Variants in FLACC1 observed in about 807,000 individuals in gnomAD.
FLACC1 encodes flagellum associated containing coiled-coil domains 1.
Under a neutral mutation model 62.8 loss-of-function variants are expected in FLACC1, and 66 were observed. That is an observed-to-expected ratio of 1.05 (90% CI 0.86 to 1.29). The LOEUF (loss-of-function observed/expected upper bound fraction) is 1.29, where lower values mean the gene tolerates loss of function less well. Ranked by LOEUF, FLACC1 falls within the 50% of genes most tolerant of loss-of-function variation. The pLI is 0.00. For missense variants in FLACC1, 452 were observed against 489.1 expected, an observed-to-expected ratio of 0.92 and a Z score of 0.71; for synonymous variants, 156 against 161.0, an observed-to-expected ratio of 0.97 and a Z score of 0.24.
intron 12 of FLACC1, among the ~76,000 whole-genome samples, chr2:201,298,321 G>A (rs1949908847): frequency 6.6e-6 from 1 of 152,130 alleles, no homozygotes; most frequent in South Asian, 2.1e-4. Flanking sequence ...CAACTTAACT[G>A]CATCCCAGGG....
rs1455495131 is a variant in FLACC1, at chr2:201,288,708, T to C, written c.1216A>G (p.Lys406Glu). 1 of 1,613,978 alleles carries C rather than the reference T, an allele frequency of 6.2e-7. No homozygotes were observed. Among genetic ancestry groups the C allele is most frequent in the African/African-American group, 1.3e-5 (1 of 74,932 alleles). ...TCTTGCACAGTGTCAGAATCATCCTTAGAAACAGTAATAGAGGCCAATCTC... is the reference window on the plus strand; with the variant it reads ...TCTTGCACAGTGTCAGAATCATCCTCAGAAACAGTAATAGAGGCCAATCTC... ...SGRLASITVS[K>E]DDSDTVQDGS... The change falls in exon 15 of 15, where the codon AAG (lysine) becomes GAG (glutamate). Residue 406 changes from lysine to glutamate, a missense_variant. Physicochemically the swap from Lys to Glu is moderately conservative, Grantham distance 56 (BLOSUM62 1). This residue lies in a region of FLACC1 where 301 missense variants were observed against 318.4 expected (regional missense o/e 0.95). Coordinates refer to ENST00000392257, the MANE Select transcript of FLACC1 (RefSeq NM_001127391.3).
upstream of FLACC1, among the ~76,000 whole-genome samples, chr2:201,359,956 G>A (rs1418246631): frequency 6.7e-6 from 1 of 149,936 alleles, no homozygotes; most frequent in African/African-American, 2.4e-5. Flanking sequence ...AAAAAAAGCA[G>A]CAGGATTTGG....
chr2:201,339,493 G>C (rs1421609837), intron 7 of FLACC1, among the ~76,000 whole-genome samples: 1 of 151,826 alleles, frequency 6.6e-6, no homozygotes, highest in Non-Finnish European at 1.5e-5. Flanking sequence ...TGCATTATTA[G>C]ATTGTTTATT....
chr2:201,328,528 C>T (rs562046286), intron 9 of FLACC1, among the ~76,000 whole-genome samples: 37 of 152,256 alleles, frequency 2.4e-4, no homozygotes, highest in Non-Finnish European at 3.8e-4. Flanking sequence ...CAGGTTCAAG[C>T]GATTCTCCCG....
At chr2:201,289,380 C>G in intron 14 of FLACC1, 77 bp downstream of exon 14, 1 of 1,395,214 alleles carries the variant, frequency 7.2e-7, no homozygotes, top group Non-Finnish European at 1.0e-6. Context: ...GGTCTATCTT[C>G]CTAACCCATT....
intron 5 of FLACC1, 120 bp from the exon 6 acceptor site, chr2:201,344,383 T>G: frequency 2.7e-6 from 2 of 740,220 alleles, no homozygotes; most frequent in Non-Finnish European, 4.7e-6. Context: ...GGCCATGTTC[T>G]GCACCTGCTC....
intron 12 of FLACC1, among the ~76,000 whole-genome samples, chr2:201,295,182 CA>C (rs1189581789): frequency 2.0e-5 from 3 of 152,040 alleles, no homozygotes; most frequent in African/African-American, 7.3e-5. Flanking sequence ...CATCTGGAAC[CA>C]AAAAAGAGCC....
intron 7 of FLACC1, among the ~76,000 whole-genome samples, chr2:201,337,720 G>C (rs911135194): frequency 7.2e-5 from 11 of 151,884 alleles, no homozygotes; most frequent in African/African-American, 2.7e-4. Flanking sequence ...ACGGTGTCTC[G>C]CTATGTTGTG....
chr2:201,315,080 C>T (rs571854465), intron 9 of FLACC1, among the ~76,000 whole-genome samples: 8 of 152,142 alleles, frequency 5.3e-5, no homozygotes, highest in African/African-American at 1.9e-4. Context: ...CAAAACAGAA[C>T]CTCTTTAAAG....
intron 9 of FLACC1, among the ~76,000 whole-genome samples, chr2:201,310,721 G>A (rs1208067533): frequency 2.0e-5 from 3 of 152,090 alleles, no homozygotes; most frequent in Non-Finnish European, 2.9e-5. Context: ...ATATATTAAA[G>A]GCCTTAAAAA....
chr2:201,289,703 T>C lies in FLACC1; in HGVS notation c.1025A>G (p.Gln342Arg). The C allele has an allele frequency of 6.2e-7, 1 of 1,613,824 alleles. No individual in the cohort carries two copies. The highest frequency in any genetic ancestry group is 8.5e-7 in the Non-Finnish European group (1 of 1,179,812). Residue 342 changes from glutamine (Q) to arginine (R), a missense_variant, in exon 13 of 15, where the codon CAG becomes CGG. Physicochemically the swap from Gln to Arg is conservative, Grantham distance 43. Around this residue, in one of 3 missense-constraint regions of FLACC1, gnomAD observed 301 missense variants for 318.4 expected, o/e 0.95. Coordinates refer to ENST00000392257, the MANE Select transcript of FLACC1 (RefSeq NM_001127391.3). The part of the protein sequence containing the change: ...TNLYYTQLEL[Q>R]KEKAIVGNLE... Reference sequence around the variant, plus strand: ...ACTCCAGTAGGGACTCACCTCTTTCTGGAGTTCCAACTGGGTATAGTAGAG... The same window carrying C: ...ACTCCAGTAGGGACTCACCTCTTTCCGGAGTTCCAACTGGGTATAGTAGAG...
Position 201,288,337 on chromosome 2 carries a change from T to C in FLACC1, c.*318A>G. ...AGGGGACAAAGGTACACCTCCCAAATATAGTAAAAGTTCAATATGAAGAAG... is the reference window on the plus strand; with the variant it reads ...AGGGGACAAAGGTACACCTCCCAAACATAGTAAAAGTTCAATATGAAGAAG... On this transcript the variant is annotated 3_prime_UTR_variant, in exon 15 of 15. Coordinates refer to ENST00000392257, the MANE Select transcript of FLACC1 (RefSeq NM_001127391.3). 1 of 214,922 alleles carries C rather than the reference T, an allele frequency of 4.7e-6. No individual in the cohort carries two copies. Among genetic ancestry groups the C allele is most frequent in the African/African-American group, 2.3e-5 (1 of 43,856 alleles). 13.3% of individuals were successfully genotyped at this position (214,922 alleles called of 1,614,324 possible).
chr2:201,357,170 G>A lies in FLACC1; in HGVS notation c.-236C>T, dbSNP rs1296670330. The stretch of plus-strand genomic sequence containing the variant: ...AGAAAATTCACAGTATATGTACTGC[G>A]GGAAGACAGACTTCTAGTGAATCCA... On this transcript the variant is annotated 5_prime_UTR_variant, in exon 1 of 15. Coordinates refer to ENST00000392257, the MANE Select transcript of FLACC1 (RefSeq NM_001127391.3). 6.6e-6 allele frequency: 1 copy of A among 152,190 alleles called. No homozygotes were observed. Among genetic ancestry groups the A allele is most frequent in the African/African-American group, 2.4e-5 (1 of 41,436 alleles). The allele number at this position is 152,190 out of a possible 1,614,324, so 9.4% of individuals were successfully genotyped here. A position where few individuals can be genotyped will look rare whatever the true frequency, so the allele number is the denominator to read the frequency against.
At chr2:201,351,715 G>A in intron 1 of FLACC1, 1 of 254,198 alleles carries the variant, frequency 3.9e-6, no homozygotes, top group Non-Finnish European at 7.7e-6. Flanking sequence ...AGGCCGAGGT[G>A]GATGGATCAC....
intron 7 of FLACC1, among the ~76,000 whole-genome samples, chr2:201,336,765 A>C (rs1950703455): frequency 6.6e-6 from 1 of 152,190 alleles, no homozygotes; most frequent in Non-Finnish European, 1.5e-5. Flanking sequence ...ATTTCCACCA[A>C]CAGTATATAA....
At position 201,330,459 on chromosome 2, in the gene FLACC1, G is replaced by C. The variant is rs1000523009; in HGVS notation, c.675+11C>G. On this transcript the variant is annotated intron_variant, in intron 9 of 14. Coordinates refer to ENST00000392257, the MANE Select transcript of FLACC1 (RefSeq NM_001127391.3). Reference sequence around the variant, plus strand: ...TTCTCTTGTAATCCAACAGGGAGCTGTGTATCTCACCTGATACGTACGAAA... The same window carrying C: ...TTCTCTTGTAATCCAACAGGGAGCTCTGTATCTCACCTGATACGTACGAAA... The C allele has an allele frequency of 1.2e-6, 2 of 1,610,846 alleles. No homozygotes were observed. Among genetic ancestry groups the C allele is most frequent in the African/African-American group, 2.7e-5 (2 of 74,810 alleles).
chr2:201,294,152 T>C (rs969881298), intron 12 of FLACC1, among the ~76,000 whole-genome samples: 43 of 152,246 alleles, frequency 2.8e-4, no homozygotes, highest in African/African-American at 9.6e-4. Flanking sequence ...AAAGAGGGAA[T>C]CCTCCCTAAC....
At chr2:201,301,014 G>A (rs1003815789) in intron 11 of FLACC1, among the ~76,000 whole-genome samples, 1 of 152,176 alleles carries the variant, frequency 6.6e-6, no homozygotes, top group African/African-American at 2.4e-5. Flanking sequence ...AAATCAGAGC[G>A]ACTCTTCTCC....
intron 4 of FLACC1, among the ~76,000 whole-genome samples, chr2:201,347,757 C>A (rs1950945663): frequency 6.6e-6 from 1 of 152,200 alleles, no homozygotes; most frequent in Non-Finnish European, 1.5e-5. Context: ...CCTGTGCCTG[C>A]GTCAGACCAG....
Sources: gnomAD v4.1 joint callset for allele counts (sites outside exome capture counted in the v4.1 genomes callset) on GRCh38, gnomAD v4.1.1 for gene constraint, gnomAD v4.1.1 regional missense constraint, MANE v1.5 for transcripts, NCBI Gene and HGNC (gene_info 2026-07-23, HGNC 2026-07-21) for gene names.